DNM3: variants seen among roughly 807,000 people sequenced by gnomAD.
The protein encoded by DNM3 is dynamin 3, also known as dynamin-3.
Under a neutral mutation model 101.6 loss-of-function variants are expected in DNM3, and 47 were observed. The observed-to-expected ratio is 0.46, with a 90% CI of 0.37 to 0.59. DNM3 has a LOEUF of 0.59. Ranked by LOEUF, DNM3 falls within the 20% of genes least tolerant of loss-of-function variation. The probability of loss-of-function intolerance (pLI) is 0.00; values close to 1 mark genes in which losing one functional copy is unlikely to be tolerated. For synonymous variants in DNM3, 385 were observed against 387.9 expected (o/e 0.99, Z 0.09); for missense variants, 849 against 1,085.7 (o/e 0.78, Z 3.06).
intron 2 of DNM3, among the ~76,000 whole-genome samples, chr1:171,965,543 C>T (rs188305940): frequency 7.3e-5 from 11 of 150,418 alleles, no homozygotes. Context: ...AGAGCTAGAC[C>T]CTGTCTCAAA....
At chr1:172,190,698 G>C (rs1558699573) in intron 14 of DNM3, among the ~76,000 whole-genome samples, 2 of 152,098 alleles carry the variant, frequency 1.3e-5, no homozygotes, top group Admixed American at 6.5e-5. Context: ...ACTTTTTAAT[G>C]ATTGCCATTC....
intron 12 of DNM3, among the ~76,000 whole-genome samples, chr1:172,089,945 C>T (rs2053794074): frequency 6.6e-6 from 1 of 152,168 alleles, no homozygotes; most frequent in Non-Finnish European, 1.5e-5. Context: ...TTATGACACA[C>T]ATATACACAT....
chr1:172,199,167 C>T (rs1432591949), intron 14 of DNM3, among the ~76,000 whole-genome samples: 1 of 151,896 alleles, frequency 6.6e-6, no homozygotes, highest in Non-Finnish European at 1.5e-5. Context: ...TATTATTTAC[C>T]CAAAAGTCAT....
chr1:172,241,349 C>T (rs1288412855), intron 14 of DNM3, among the ~76,000 whole-genome samples: 1 of 151,534 alleles, frequency 6.6e-6, no homozygotes. Flanking sequence ...GGCATACATA[C>T]ATATTAATAA....
intron 4 of DNM3, among the ~76,000 whole-genome samples, chr1:172,024,124 T>C (rs868785474): frequency 2.6e-5 from 4 of 152,116 alleles, no homozygotes; most frequent in African/African-American, 7.2e-5. Flanking sequence ...ATTACAATGT[T>C]TATTTGTTTT....
intron 2 of DNM3, among the ~76,000 whole-genome samples, chr1:171,956,234 C>T (rs763487595): frequency 3.3e-5 from 5 of 152,260 alleles, no homozygotes; most frequent in South Asian, 4.1e-4. Flanking sequence ...TGAGACAAGG[C>T]GAGTCCCTTC....
At chr1:171,937,573 C>CTTAT (rs1469871248) in intron 2 of DNM3, among the ~76,000 whole-genome samples, 2 of 151,976 alleles carry the variant, frequency 1.3e-5, no homozygotes, top group Non-Finnish European at 1.5e-5. Flanking sequence ...GCTTTATTTA[C>CTTAT]TTATTTATTT....
At chr1:172,205,892 G>A (rs2060305401) in intron 14 of DNM3, among the ~76,000 whole-genome samples, 1 of 152,052 alleles carries the variant, frequency 6.6e-6, no homozygotes, top group Non-Finnish European at 1.5e-5. Context: ...ACTTTTCACA[G>A]TACATGACAT....
rs774567762 is a variant in DNM3, at chr1:171,921,787, A to G, written c.201A>G (p.Arg67=). The G allele has an allele frequency of 6.2e-7, 1 of 1,602,436 alleles. No homozygotes were observed. Among genetic ancestry groups the G allele is most frequent in the Non-Finnish European group, 8.5e-7 (1 of 1,173,860 alleles). ...GAGGGTCGGGCATTGTAACAAGACG[A>G]CCTCTTGTGCTGCAGCTTGTTACTT... ...LPRGSGIVTR[R]PLVLQLVTSK... Residue 67 remains arginine (R), a synonymous_variant, in exon 2 of 21, where the codon CGA becomes CGG. Transcript: ENST00000627582.
intron 15 of DNM3, among the ~76,000 whole-genome samples, chr1:172,297,816 G>T (rs1013178365): frequency 2.0e-5 from 3 of 151,958 alleles, no homozygotes; most frequent in African/African-American, 7.2e-5. Flanking sequence ...AATTCCACCT[G>T]ATTGTACTTT....
chr1:172,228,325 C>T (rs995071574), intron 14 of DNM3, among the ~76,000 whole-genome samples: 6 of 151,822 alleles, frequency 4.0e-5, no homozygotes, highest in Admixed American at 1.3e-4. Context: ...AGCCAGTTGT[C>T]CTAAAATTAT....
intron 13 of DNM3, among the ~76,000 whole-genome samples, chr1:172,098,282 C>T (rs2054389830): frequency 1.3e-5 from 2 of 152,160 alleles, no homozygotes; most frequent in South Asian, 4.1e-4. Context: ...GACGCATTCT[C>T]TTTCTCAGGG....
intron 16 of DNM3, among the ~76,000 whole-genome samples, chr1:172,313,533 T>C (rs1347021793): frequency 1.3e-5 from 2 of 152,194 alleles, no homozygotes; most frequent in African/African-American, 4.8e-5. Flanking sequence ...AAACATAATG[T>C]GTGCCATGGA....
intron 10 of DNM3, among the ~76,000 whole-genome samples, chr1:172,065,354 A>G (rs1239067361): frequency 6.6e-6 from 1 of 152,124 alleles, no homozygotes; most frequent in Non-Finnish European, 1.5e-5. Flanking sequence ...TGTGGCTGTC[A>G]TTGAATAGCT....
At chr1:172,176,944 T>G (rs1472220475) in intron 14 of DNM3, among the ~76,000 whole-genome samples, 1 of 151,774 alleles carries the variant, frequency 6.6e-6, no homozygotes, top group Non-Finnish European at 1.5e-5. Flanking sequence ...TATTAGATAT[T>G]GTAACGAAAG....
chr1:171,938,254 AG>A (rs2041582130), intron 2 of DNM3, among the ~76,000 whole-genome samples: 1 of 152,026 alleles, frequency 6.6e-6, no homozygotes, highest in Non-Finnish European at 1.5e-5. Context: ...AAATTCTAAT[AG>A]CATCAAGGTT....
intron 13 of DNM3, among the ~76,000 whole-genome samples, chr1:172,120,626 C>G (rs2056247022): frequency 6.6e-6 from 1 of 152,194 alleles, no homozygotes; most frequent in Non-Finnish European, 1.5e-5. Context: ...TTGCCTCTCC[C>G]TCTCCCACTC....
intron 16 of DNM3, among the ~76,000 whole-genome samples, chr1:172,315,208 C>T (rs1426654937): frequency 6.6e-6 from 1 of 152,160 alleles, no homozygotes; most frequent in Admixed American, 6.5e-5. Flanking sequence ...AACTAACAAA[C>T]AGAAAGGACA....
intron 14 of DNM3, among the ~76,000 whole-genome samples, chr1:172,154,111 C>A (rs1288018538): frequency 4.6e-5 from 7 of 152,064 alleles, no homozygotes; most frequent in Non-Finnish European, 1.0e-4. Context: ...TGATTAGAAG[C>A]ATCTTGAGGT....
Sources: allele counts gnomAD v4.1 joint callset (sites outside exome capture counted in the v4.1 genomes callset), GRCh38; gene constraint gnomAD v4.1.1; transcripts MANE v1.5; gene names NCBI Gene and HGNC (gene_info 2026-07-23, HGNC 2026-07-21).